BICC1: variants seen among roughly 807,000 people sequenced by gnomAD.
BICC1 encodes the protein protein bicaudal C homolog 1.
Under a neutral mutation model 111.0 loss-of-function variants are expected in BICC1, and 43 were observed. The ratio of observed to expected loss-of-function variants is 0.39; its 90% CI spans 0.30 to 0.50. The LOEUF (loss-of-function observed/expected upper bound fraction) is 0.50, where lower values mean the gene tolerates loss of function less well. Among genes scored for constraint, BICC1 ranks in the 20% least tolerant of loss-of-function variants. BICC1 has a pLI of 0.88. For missense variants in BICC1, 1,091 were observed against 1,203.2 expected (o/e 0.91, Z 1.38); for synonymous variants, 467 against 434.4 (o/e 1.07, Z -0.93).
intron 2 of BICC1, among the ~76,000 whole-genome samples, chr10:58,652,866 A>G (rs964028715): frequency 6.6e-6 from 1 of 152,164 alleles, no homozygotes; most frequent in African/African-American, 2.4e-5. Flanking sequence ...ATTGGAGTTC[A>G]GTAAATGTTC....
At chr10:58,633,990 CTTTTCT>C (rs1342693138) in intron 2 of BICC1, among the ~76,000 whole-genome samples, 23 of 68,788 alleles carry the variant, frequency 3.3e-4, no homozygotes, top group Admixed American at 2.0e-3. Context: ...TTTTTTTTTT[CTTTTCT>C]TTTTTTTTTT....
chr10:58,813,086 T>C (rs1843962854), intron 17 of BICC1, among the ~76,000 whole-genome samples: 1 of 151,986 alleles, frequency 6.6e-6, no homozygotes, highest in African/African-American at 2.4e-5. Flanking sequence ...ATTAAGTAAG[T>C]TTATTGAAGT....
chr10:58,578,986 C>G, intron 1 of BICC1, among the ~76,000 whole-genome samples: 1 of 152,200 alleles, frequency 6.6e-6, no homozygotes, highest in East Asian at 1.9e-4. Context: ...AACAAATCCT[C>G]ATGATATCTA....
chr10:58,721,643 GATTGTTGTCAACAAGAAGAAAA>G (rs1840943839), intron 3 of BICC1, among the ~76,000 whole-genome samples: 1 of 152,146 alleles, frequency 6.6e-6, no homozygotes, highest in Non-Finnish European at 1.5e-5. Flanking sequence ...AGGCACATTA[GATTGTTGTCAACAAGAAGAAAA>G]ATATATGCCA....
intron 12 of BICC1, among the ~76,000 whole-genome samples, chr10:58,799,711 A>AT (rs113758569): frequency 3.6e-4 from 52 of 146,426 alleles, no homozygotes; most frequent in South Asian, 1.5e-3. Flanking sequence ...CTATATTTCT[A>AT]TTTTTTTTTT....
At chr10:58,646,735 C>T (rs898648654) in intron 2 of BICC1, among the ~76,000 whole-genome samples, 21 of 152,056 alleles carry the variant, frequency 1.4e-4, no homozygotes, top group African/African-American at 5.1e-4. Context: ...AAAATGTTAA[C>T]AAGTAGGTAG....
intron 2 of BICC1, among the ~76,000 whole-genome samples, chr10:58,688,736 T>C (rs1229501172): frequency 6.6e-6 from 1 of 152,092 alleles, no homozygotes; most frequent in South Asian, 2.1e-4. Context: ...TGCAGGGACG[T>C]GGATGAAGCT....
intron 2 of BICC1, among the ~76,000 whole-genome samples, chr10:58,638,789 T>C (rs1427184633): frequency 6.6e-6 from 1 of 152,206 alleles, no homozygotes; most frequent in Non-Finnish European, 1.5e-5. Flanking sequence ...CCGTTATTCG[T>C]CAAAGGAGGG....
intron 1 of BICC1, among the ~76,000 whole-genome samples, chr10:58,549,484 G>A (rs574041699): frequency 1.3e-5 from 2 of 151,898 alleles, no homozygotes; most frequent in African/African-American, 2.4e-5. Context: ...TAAAATTTTC[G>A]CCATTTTAAT....
intron 1 of BICC1, among the ~76,000 whole-genome samples, chr10:58,572,760 A>T (rs1843998097): frequency 6.6e-6 from 1 of 152,140 alleles, no homozygotes; most frequent in Admixed American, 6.6e-5. Context: ...AGCAACAGGG[A>T]TTATATCTGG....
At chr10:58,598,660 A>G (rs964298537) in intron 1 of BICC1, among the ~76,000 whole-genome samples, 1 of 152,190 alleles carries the variant, frequency 6.6e-6, no homozygotes, top group Admixed American at 6.5e-5. Context: ...TACAAATGGG[A>G]TCTAATTAAA....
intron 2 of BICC1, among the ~76,000 whole-genome samples, chr10:58,668,691 T>G (rs750565187): frequency 5.9e-5 from 9 of 152,090 alleles, no homozygotes; most frequent in Non-Finnish European, 1.2e-4. Flanking sequence ...TTGGGCCAGT[T>G]ACAGTAAACC....
chr10:58,524,123 G>T (rs528616062), intron 1 of BICC1, among the ~76,000 whole-genome samples: 1 of 152,194 alleles, frequency 6.6e-6, no homozygotes, highest in African/African-American at 2.4e-5. Flanking sequence ...TGGCCATACT[G>T]CCCAAGGTAA....
At position 58,738,520 on chromosome 10, in the gene BICC1, A is replaced by G. The variant is rs1222313452; in HGVS notation, c.307+36377A>G. On this transcript the variant is annotated intron_variant, in intron 3 of 20. Transcript: ENST00000373886. ...GTAGTGTAGTTTGAAGCCAGGTAGC[A>G]TGATGCCTCCAGCTTTGTTCTTTTG... 1.8e-4 allele frequency among the ~76,000 whole-genome samples: 28 copies of G among 152,228 alleles called. No individual in the cohort carries two copies. In the East Asian group the frequency reaches 5.2e-3, roughly 28 times the overall value.
intron 1 of BICC1, among the ~76,000 whole-genome samples, chr10:58,554,174 C>G (rs1377652443): frequency 6.6e-6 from 1 of 152,002 alleles, no homozygotes; most frequent in Non-Finnish European, 1.5e-5. Context: ...CTGTTAATCC[C>G]ATATTAAATT....
chr10:58,687,788 G>A (rs1302695009), intron 2 of BICC1, among the ~76,000 whole-genome samples: 1 of 152,146 alleles, frequency 6.6e-6, no homozygotes, highest in Non-Finnish European at 1.5e-5. Flanking sequence ...CCTTTGCTAG[G>A]AAAGGGAATT....
chr10:58,585,313 G>A (rs943853005), intron 1 of BICC1, among the ~76,000 whole-genome samples: 1 of 152,120 alleles, frequency 6.6e-6, no homozygotes, highest in African/African-American at 2.4e-5. Context: ...TAAAAATCAG[G>A]TATGATTCAG....
chr10:58,795,113 T>C (rs908119759), intron 9 of BICC1, among the ~76,000 whole-genome samples: 1 of 152,228 alleles, frequency 6.6e-6, no homozygotes, highest in Non-Finnish European at 1.5e-5. Flanking sequence ...GGAGATGTTC[T>C]ATTTATTTAA....
intron 2 of BICC1, among the ~76,000 whole-genome samples, chr10:58,629,390 G>A (rs1013811511): frequency 1.3e-5 from 2 of 151,902 alleles, no homozygotes; most frequent in African/African-American, 2.4e-5. Context: ...TTTATGCTTG[G>A]CTACTATTAA....
Sources: gnomAD v4.1 joint callset for allele counts (sites outside exome capture counted in the v4.1 genomes callset) on GRCh38, gnomAD v4.1.1 for gene constraint, MANE v1.5 for transcripts, NCBI Gene and HGNC (gene_info 2026-07-23, HGNC 2026-07-21) for gene names.